Variants in NPHP4 observed in about 807,000 individuals in gnomAD.
NPHP4 encodes nephrocystin 4.
NPHP4 carries 151 observed loss-of-function variants against 155.8 expected under a neutral mutation model. The observed-to-expected ratio is 0.97, with a 90% CI of 0.85 to 1.11. The LOEUF (loss-of-function observed/expected upper bound fraction) is 1.11. Among genes scored for constraint, NPHP4 ranks in the 50% least tolerant of loss-of-function variants. The probability of loss-of-function intolerance (pLI) is 0.00; values close to 1 mark genes in which losing one functional copy is unlikely to be tolerated. For synonymous variants in NPHP4, 845 were observed against 816.8 expected, an observed-to-expected ratio of 1.03 and a Z score of -0.59; for missense variants, 1,956 against 1,925.7, an observed-to-expected ratio of 1.02 and a Z score of -0.29.
intron 9 of NPHP4, among the ~76,000 whole-genome samples, chr1:5,939,780 C>CA (rs1303839789): frequency 6.6e-6 from 1 of 152,218 alleles, no homozygotes; most frequent in Non-Finnish European, 1.5e-5. Context: ...AGGCTGGCCC[C>CA]AGGCCTGCTG....
chr1:5,989,310 C>T (rs1655911417), intron 1 of NPHP4, among the ~76,000 whole-genome samples: 1 of 152,190 alleles, frequency 6.6e-6, no homozygotes, highest in Non-Finnish European at 1.5e-5. Flanking sequence ...GACTTTCTTA[C>T]AGGAGCCACA....
rs779238230 is a variant in NPHP4 at position 5,978,432 on chromosome 1, T to A, written c.136-19A>T. The A allele has an allele frequency of 1.3e-6, 2 of 1,593,488 alleles. No individual in the cohort carries two copies. The highest frequency in any genetic ancestry group is 4.6e-5 in the East Asian group (2 of 43,890). ...GCACGCCCTAGGAGACAACGGGGAA[T>A]TGACCCTCAAGAGTCTGAGCACCAT... On this transcript the variant is annotated intron_variant, in intron 2 of 29. Coordinates refer to ENST00000378156, the MANE Select transcript of NPHP4 (RefSeq NM_015102.5).
At chr1:5,983,912 G>A (rs11588161) in intron 2 of NPHP4, among the ~76,000 whole-genome samples, 21,777 of 152,076 alleles carry the variant, frequency 0.14, 1,667 homozygotes, top group Middle Eastern at 0.17. Context: ...ACCTGTTTAC[G>A]TCTTTATGCT....
At chr1:5,965,366 C>G (rs769729389) in intron 5 of NPHP4, among the ~76,000 whole-genome samples, 1 of 152,172 alleles carries the variant, frequency 6.6e-6, no homozygotes, top group African/African-American at 2.4e-5. Context: ...TCAGGGCCAA[C>G]AGCTTCCACA....
intron 9 of NPHP4, among the ~76,000 whole-genome samples, chr1:5,938,305 G>C (rs1646650482): frequency 1.3e-5 from 2 of 152,224 alleles, no homozygotes; most frequent in South Asian, 4.1e-4. Context: ...AGCCCCACCA[G>C]GTGAAGAGCT....
chr1:5,915,330 T>A (rs1645417972), intron 11 of NPHP4, among the ~76,000 whole-genome samples: 1 of 152,006 alleles, frequency 6.6e-6, no homozygotes, highest in African/African-American at 2.4e-5. Context: ...GTCTCTGGGG[T>A]TTGAAGAAGG....
chr1:5,937,200 G>A (rs116109223), intron 9 of NPHP4, among the ~76,000 whole-genome samples: 1 of 152,056 alleles, frequency 6.6e-6, no homozygotes, highest in Non-Finnish European at 1.5e-5. Flanking sequence ...TGTCACACCA[G>A]GGGTTTCCTG....
chr1:5,932,639 G>C (rs1440815797), intron 10 of NPHP4, among the ~76,000 whole-genome samples: 1 of 149,040 alleles, frequency 6.7e-6, no homozygotes, highest in Non-Finnish European at 1.5e-5. Flanking sequence ...TTGGGGTGCA[G>C]AGAACATTTC....
At chr1:5,868,018 G>C in intron 23 of NPHP4, 122 bp from the exon 24 acceptor site, 2 of 1,086,214 alleles carry the variant, frequency 1.8e-6, no homozygotes, top group Non-Finnish European at 2.8e-6. Flanking sequence ...CCACTGCCAT[G>C]AGCGGGGAAG....
chr1:5,963,138 T>C (rs1413058853), intron 5 of NPHP4, among the ~76,000 whole-genome samples: 13 of 152,256 alleles, frequency 8.5e-5, no homozygotes, highest in Non-Finnish European at 1.8e-4. Context: ...AGGTCCGCCA[T>C]GGGGGCTCAC....
At position 5,875,071 on chromosome 1, in the gene NPHP4, C is replaced by G. The variant is rs1046596262; in HGVS notation, c.2847G>C (p.Leu949Phe). 6.2e-7 allele frequency: 1 copy of G among 1,606,868 alleles called. No homozygotes were observed. The highest frequency in any genetic ancestry group is 1.3e-5 in the African/African-American group (1 of 74,918). ...LAQQSVRTQH[L>F]RDLQVIAAYR... The stretch of plus-strand genomic sequence containing the variant: ...AGGCGGCGATGACCTGTAGGTCCCG[C>G]AAGTGCTGTGTGCGGACGCTCTGCT... Residue 949 changes from leucine (L) to phenylalanine (F), a missense_variant, in exon 21 of 30, where the codon TTG (leucine) becomes TTC (phenylalanine). Physicochemically the swap from Leu to Phe is conservative, Grantham distance 22. Coordinates refer to ENST00000378156, the MANE Select transcript of NPHP4 (RefSeq NM_015102.5).
At chr1:5,930,638 C>T (rs186353863) in intron 10 of NPHP4, among the ~76,000 whole-genome samples, 1 of 152,238 alleles carries the variant, frequency 6.6e-6, no homozygotes. Flanking sequence ...GAGAATACAT[C>T]CTGTATAATC....
At chr1:5,874,398 G>A (rs374705842) in intron 22 of NPHP4, 73 bp downstream of exon 22, 1 of 1,354,586 alleles carries the variant, frequency 7.4e-7, no homozygotes, top group Non-Finnish European at 9.9e-7. Context: ...GACACTGGTG[G>A]AGACTGGAAG....
chr1:5,938,386 C>T lies in NPHP4; in HGVS notation c.1120-5057G>A, dbSNP rs1646654690. ...GCTGAGCAGCAGGAAGAACCAGGAG[C>T]CCAGAGGTCACAACAGCAGCACAGC... On this transcript the variant is annotated intron_variant, in intron 9 of 29. Transcript: ENST00000378156. 3.3e-5 allele frequency among the ~76,000 whole-genome samples: 5 copies of T among 152,332 alleles called. No individual in the cohort carries two copies. In the South Asian group the frequency reaches 1.0e-3, roughly 32 times the overall value.
intron 18 of NPHP4, among the ~76,000 whole-genome samples, chr1:5,885,936 G>A (rs950897671): frequency 8.5e-5 from 13 of 152,168 alleles, no homozygotes; most frequent in African/African-American, 2.9e-4. Context: ...TCCCGTCAGC[G>A]CCGGAGTCTC....
chr1:5,979,470 GGAAGA>G (rs1263968847), intron 2 of NPHP4, among the ~76,000 whole-genome samples: 2 of 152,188 alleles, frequency 1.3e-5, no homozygotes, highest in Non-Finnish European at 2.9e-5. Flanking sequence ...GGTCCTGAGA[GGAAGA>G]GAGCACACGT....
At chr1:5,925,831 G>A (rs1452332013) in intron 11 of NPHP4, among the ~76,000 whole-genome samples, 4 of 152,132 alleles carry the variant, frequency 2.6e-5, no homozygotes, top group African/African-American at 7.2e-5. Flanking sequence ...TAGCCAGAAC[G>A]GTCTCGATCT....
In NPHP4 at chr1:5,904,814, A is replaced by G. The variant is rs1281813374; in HGVS notation, c.1956-10T>C. ...GCAGTCCTGGGCCACTCTGAATCCAACAACAGCTCTGGGTTAACTGAGTAT... is the reference window on the plus strand; with the variant it reads ...GCAGTCCTGGGCCACTCTGAATCCAGCAACAGCTCTGGGTTAACTGAGTAT... On this transcript the variant is annotated splice_polypyrimidine_tract_variant and intron_variant, in intron 15 of 29. Transcript: ENST00000378156. 3 of 1,613,600 alleles carry G rather than the reference A, an allele frequency of 1.9e-6. No homozygotes were observed. Among genetic ancestry groups the G allele is most frequent in the South Asian group, 1.1e-5 (1 of 91,064 alleles).
intron 21 of NPHP4, 25 bp downstream of exon 21, chr1:5,874,849 A>G (rs1386530216): frequency 1.2e-6 from 2 of 1,602,260 alleles, no homozygotes; most frequent in Non-Finnish European, 1.7e-6. Flanking sequence ...GGGCTGGGGC[A>G]GGACGGGCAC....
Sources: gnomAD v4.1 joint callset for allele counts (sites outside exome capture counted in the v4.1 genomes callset) on GRCh38, gnomAD v4.1.1 for gene constraint, MANE v1.5 for transcripts, NCBI Gene and HGNC (gene_info 2026-07-23, HGNC 2026-07-21) for gene names.